Variants in SMURF2 observed in about 807,000 individuals in gnomAD.
SMURF2 encodes SMAD specific E3 ubiquitin protein ligase 2.
SMURF2 carries 48 observed loss-of-function variants against 109.6 expected under a neutral mutation model. The observed-to-expected ratio is 0.44, with a 90% CI of 0.35 to 0.56. The LOEUF is 0.56. Among genes scored for constraint, SMURF2 ranks in the 20% least tolerant of loss-of-function variants. SMURF2 has a pLI of 0.01. For missense variants in SMURF2, 575 were observed against 909.0 expected (o/e 0.63, Z 4.72); for synonymous variants, 288 against 317.1 (o/e 0.91, Z 0.97).
At chr17:64,610,705 T>C (rs1278837737) in intron 1 of SMURF2, among the ~76,000 whole-genome samples, 1 of 152,226 alleles carries the variant, frequency 6.6e-6, no homozygotes, top group Non-Finnish European at 1.5e-5. Context: ...TGTATACCTA[T>C]GTAACAAAAC....
intron 9 of SMURF2, among the ~76,000 whole-genome samples, chr17:64,577,598 A>AAG (rs1312754336): frequency 1.7e-4 from 26 of 150,362 alleles, no homozygotes; most frequent in Admixed American, 2.0e-4. Context: ...AAAAAAAAAA[A>AAG]AGAGAGAGAG....
chr17:64,643,045 G>A (rs1180404557), intron 1 of SMURF2, among the ~76,000 whole-genome samples: 2 of 152,038 alleles, frequency 1.3e-5, no homozygotes, highest in Non-Finnish European at 2.9e-5. Flanking sequence ...TTTACTTTGA[G>A]ATAGGTTCTC....
At chr17:64,636,757 C>A (rs965938361) in intron 1 of SMURF2, among the ~76,000 whole-genome samples, 2 of 149,686 alleles carry the variant, frequency 1.3e-5, no homozygotes, top group East Asian at 1.9e-4. Context: ...CCTGCCTAGG[C>A]GACAGAGCAA....
chr17:64,642,952 G>A (rs543546171), intron 1 of SMURF2, among the ~76,000 whole-genome samples: 8 of 152,016 alleles, frequency 5.3e-5, no homozygotes, highest in East Asian at 1.9e-4. Context: ...GCACCACCAC[G>A]CCTGGCTAAT....
rs1205782510 is a variant in SMURF2 at position 64,581,412 on chromosome 17, C to T, written c.570-421G>A. Among the ~76,000 whole-genome samples the T allele has an allele frequency of 6.6e-6, 1 of 152,132 alleles. No homozygotes were observed. Among genetic ancestry groups the T allele is most frequent in the African/African-American group, 2.4e-5 (1 of 41,416 alleles). On this transcript the variant is annotated intron_variant, in intron 7 of 18. Coordinates refer to ENST00000262435, the MANE Select transcript of SMURF2 (RefSeq NM_022739.4). The surrounding 1 kb of genome is among the most constrained non-coding windows in gnomAD (Gnocchi z 4.3). ...AGGTCATTCCACCTGAGAGCAGTTGCTCTTCCTTCCATCTGGCATATTCTT... is the reference window on the plus strand; with the variant it reads ...AGGTCATTCCACCTGAGAGCAGTTGTTCTTCCTTCCATCTGGCATATTCTT...
intron 2 of SMURF2, 36 bp from the exon 3 acceptor site, chr17:64,598,526 C>T (rs1969849172): frequency 3.3e-6 from 5 of 1,509,600 alleles, no homozygotes; most frequent in Middle Eastern, 2.2e-4. Context: ...AATAATTTGA[C>T]ATTTAAGATA....
In SMURF2 at chr17:64,579,000, C is replaced by A. The variant is rs185950037; in HGVS notation, c.773-424G>T. On this transcript the variant is annotated intron_variant, in intron 8 of 18. Transcript: ENST00000262435. Reference sequence around the variant, plus strand: ...AATGCTTATTATGCCTAATTTTATACCAAAACTTATGTTTTCTCTTTGCTA... The same window carrying A: ...AATGCTTATTATGCCTAATTTTATAACAAAACTTATGTTTTCTCTTTGCTA... Among the ~76,000 whole-genome samples, 97 of 152,262 alleles carry A rather than the reference C, an allele frequency of 6.4e-4. 2 individuals are homozygous for A. Among genetic ancestry groups the A allele is most frequent in the Admixed American group, 6.3e-3 (96 of 15,288 alleles).
chr17:64,655,736 CA>C (rs1317740966), intron 1 of SMURF2, among the ~76,000 whole-genome samples: 2 of 150,878 alleles, frequency 1.3e-5, no homozygotes, highest in East Asian at 1.9e-4. Context: ...AAAAAAAATA[CA>C]AAAAAAAATT....
rs539277487 is a variant in SMURF2 at position 64,600,729 on chromosome 17, A to G, written c.92-2239T>C. ...CATTTATAAATGTGTTCAATGGAAG[A>G]ATGTTTTTACCTCCACCCTCAATAA... On this transcript the variant is annotated intron_variant, in intron 2 of 18. Transcript: ENST00000262435. 3.9e-5 allele frequency among the ~76,000 whole-genome samples: 6 copies of G among 152,264 alleles called. No homozygotes were observed. The South Asian group carries it at 1.0e-3, about 26-fold the overall frequency.
chr17:64,574,295 G>A (rs1969457941), intron 9 of SMURF2, among the ~76,000 whole-genome samples: 1 of 152,130 alleles, frequency 6.6e-6, no homozygotes, highest in Admixed American at 6.5e-5. Flanking sequence ...ATGTCTCACT[G>A]GGAGCTGGTT....
intron 9 of SMURF2, among the ~76,000 whole-genome samples, chr17:64,574,303 G>A (rs1202064371): frequency 6.6e-6 from 1 of 152,064 alleles, no homozygotes; most frequent in East Asian, 1.9e-4. Context: ...CTGGGAGCTG[G>A]TTAAAGAAAA....
At chr17:64,561,692 C>A in intron 11 of SMURF2, 89 bp from the exon 12 acceptor site, 1 of 1,012,964 alleles carries the variant, frequency 9.9e-7, no homozygotes, top group South Asian at 1.5e-5. Context: ...CCAAAAAACT[C>A]AAGTCTAAAT....
intron 1 of SMURF2, among the ~76,000 whole-genome samples, chr17:64,644,763 T>A (rs997141681): frequency 1.7e-4 from 25 of 151,012 alleles, no homozygotes; most frequent in African/African-American, 6.1e-4. Context: ...AAGACAAAAA[T>A]TAGCTGGGCA....
chr17:64,654,957 G>A (rs1213110523), intron 1 of SMURF2, among the ~76,000 whole-genome samples: 1 of 151,918 alleles, frequency 6.6e-6, no homozygotes, highest in African/African-American at 2.4e-5. Flanking sequence ...GATAACAGGC[G>A]TGAGTCACCA....
intron 8 of SMURF2, among the ~76,000 whole-genome samples, chr17:64,579,272 G>A (rs535108338): frequency 3.7e-4 from 56 of 151,784 alleles, no homozygotes; most frequent in African/African-American, 1.3e-3. Context: ...GTTTCTTTAT[G>A]GTGGGTTTTG....
At chr17:64,548,017 A>G (rs971038405) in intron 16 of SMURF2, among the ~76,000 whole-genome samples, 3 of 152,226 alleles carry the variant, frequency 2.0e-5, no homozygotes, top group Non-Finnish European at 2.9e-5. Context: ...GTTGGGATCT[A>G]TATTTTAAAA....
chr17:64,586,475 G>A (rs1460145119), intron 5 of SMURF2, among the ~76,000 whole-genome samples: 4 of 152,198 alleles, frequency 2.6e-5, no homozygotes, highest in Admixed American at 6.5e-5. Context: ...ATAGCTGGGC[G>A]CGGTGGCTCA....
intron 9 of SMURF2, chr17:64,573,214 GGAGGAGGGGAGGAGGAGGA>G: frequency 1.4e-4 from 3 of 21,544 alleles, no homozygotes; most frequent in African/African-American, 3.8e-4. Context: ...GAGGAGGGGA[GGAGGAGGGGAGGAGGAGGA>G]GGGGAGGAGG....
intron 1 of SMURF2, among the ~76,000 whole-genome samples, chr17:64,638,068 T>TC (rs201954344): frequency 1.5e-3 from 202 of 138,390 alleles, no homozygotes; most frequent in Non-Finnish European, 2.4e-3. Context: ...TTTTCTTTTT[T>TC]TTTTTTTTTT....
Sources: gnomAD v4.1 joint callset for allele counts (sites outside exome capture counted in the v4.1 genomes callset) on GRCh38, gnomAD v4.1.1 for gene constraint, Gnocchi (gnomAD v3.1) non-coding constraint, MANE v1.5 for transcripts, NCBI Gene and HGNC (gene_info 2026-07-23, HGNC 2026-07-21) for gene names.